The following ROBO1 variants were observed in gnomAD, a reference collection of about 807,000 sequenced individuals.
ROBO1 encodes roundabout homolog 1.
Under a neutral mutation model 195.9 loss-of-function variants are expected in ROBO1, and 149 were observed. The ratio of observed to expected loss-of-function variants is 0.76; its 90% CI spans 0.67 to 0.87. The LOEUF (loss-of-function observed/expected upper bound fraction) is 0.87. Among genes scored for constraint, ROBO1 ranks in the 40% least tolerant of loss-of-function variants. The pLI is 0.00. For missense variants in ROBO1, 1,933 were observed against 2,068.3 expected (o/e 0.93, Z 1.27); for synonymous variants, 816 against 733.2 (o/e 1.11, Z -1.82).
intron 2 of ROBO1, among the ~76,000 whole-genome samples, chr3:79,431,547 G>A (rs942893407): frequency 2.8e-4 from 42 of 152,094 alleles, no homozygotes; most frequent in Non-Finnish European, 2.4e-4. Context: ...GAGAATAAAA[G>A]GTGGAAATTA....
intron 2 of ROBO1, among the ~76,000 whole-genome samples, chr3:79,506,057 A>G (rs1161853115): frequency 6.6e-6 from 1 of 152,182 alleles, no homozygotes; most frequent in Non-Finnish European, 1.5e-5. Context: ...ACACCTAGAC[A>G]ACATCTTATC....
chr3:79,621,881 C>A (rs1364797222), intron 1 of ROBO1, among the ~76,000 whole-genome samples: 1 of 152,144 alleles, frequency 6.6e-6, no homozygotes, highest in African/African-American at 2.4e-5. Context: ...TACGTAACAA[C>A]ATAATGACTG....
At chr3:79,591,851 G>C (rs1377918734) in intron 1 of ROBO1, among the ~76,000 whole-genome samples, 1 of 151,468 alleles carries the variant, frequency 6.6e-6, no homozygotes, top group Non-Finnish European at 1.5e-5. Context: ...GTTTCTGCTT[G>C]CCTAAGGAGT....
At chr3:79,002,551 G>T (rs1366213663) in intron 3 of ROBO1, among the ~76,000 whole-genome samples, 1 of 152,000 alleles carries the variant, frequency 6.6e-6, no homozygotes, top group East Asian at 1.9e-4. Context: ...CAAAATTAGA[G>T]TACAGCCAGC....
chr3:78,944,854 C>T (rs1274713991), intron 3 of ROBO1, among the ~76,000 whole-genome samples: 1 of 152,188 alleles, frequency 6.6e-6, no homozygotes, highest in African/African-American at 2.4e-5. Context: ...AACGGCACAC[C>T]AGGAGATTAT....
chr3:78,886,074 T>TA (rs1200057975), intron 4 of ROBO1, among the ~76,000 whole-genome samples: 1 of 151,338 alleles, frequency 6.6e-6, no homozygotes, highest in Non-Finnish European at 1.5e-5. Flanking sequence ...GCTTTGTTTA[T>TA]AAAAAAACAA....
At chr3:79,366,967 A>G (rs1393400174) in intron 2 of ROBO1, among the ~76,000 whole-genome samples, 4 of 152,220 alleles carry the variant, frequency 2.6e-5, no homozygotes, top group African/African-American at 9.6e-5. Context: ...GGAAACAGAA[A>G]TGGTGAGGCA....
intron 3 of ROBO1, among the ~76,000 whole-genome samples, chr3:79,009,973 G>A (rs971812190): frequency 1.3e-5 from 2 of 152,092 alleles, no homozygotes; most frequent in East Asian, 1.9e-4. Flanking sequence ...AAACTGAACA[G>A]CACTGAAAAA....
At chr3:78,772,702 T>C (rs2083407005) in intron 4 of ROBO1, among the ~76,000 whole-genome samples, 1 of 152,148 alleles carries the variant, frequency 6.6e-6, no homozygotes, top group Non-Finnish European at 1.5e-5. Flanking sequence ...TTATGAATTA[T>C]GAGTCTACTT....
rs377241477 is a variant in ROBO1 at position 78,606,768 on chromosome 3, C to A, written c.4709G>T (p.Arg1570Leu). 6.2e-7 allele frequency: 1 copy of A among 1,613,846 alleles called. No homozygotes were observed. The highest frequency in any genetic ancestry group is 1.7e-5 in the Admixed American group (1 of 60,000). Residue 1570 changes from arginine to leucine, a missense_variant, in exon 29 of 31, where the codon CGA (arginine) becomes CTA (leucine). Physicochemically the swap from Arg to Leu is moderately radical, Grantham distance 102 (BLOSUM62 -2). Transcript: ENST00000464233. ...GKGRGNKAAKRDLPPAKTHLI... is the reference protein window; with the variant it reads ...GKGRGNKAAKLDLPPAKTHLI... ...ATGAGTCTTTGCTGGTGGAAGGTCT[C>A]GTTTTGCTGCCTTGTTTCCACGTCC...
At chr3:79,622,124 C>T (rs764405179) in intron 1 of ROBO1, among the ~76,000 whole-genome samples, 7 of 152,118 alleles carry the variant, frequency 4.6e-5, no homozygotes, top group Non-Finnish European at 1.0e-4. Flanking sequence ...AGCCACCTCT[C>T]CACAGTCAAG....
At chr3:78,719,616 G>T (rs967722339) in intron 5 of ROBO1, among the ~76,000 whole-genome samples, 1 of 152,056 alleles carries the variant, frequency 6.6e-6, no homozygotes, top group Non-Finnish European at 1.5e-5. Flanking sequence ...ATTTTCAAAA[G>T]TATGAGGCAT....
intron 1 of ROBO1, among the ~76,000 whole-genome samples, chr3:79,764,642 TA>T (rs1704889732): frequency 6.6e-6 from 1 of 152,226 alleles, no homozygotes; most frequent in South Asian, 2.1e-4. Flanking sequence ...CTTGCTTAAA[TA>T]AAAGTAGTTC....
chr3:79,014,552 C>T (rs574208895), intron 3 of ROBO1, among the ~76,000 whole-genome samples: 5 of 152,320 alleles, frequency 3.3e-5, no homozygotes, highest in South Asian at 4.1e-4. Context: ...CACTTGGCTG[C>T]TCTGTCTACT....
At chr3:79,157,430 C>T (rs2080878423) in intron 2 of ROBO1, among the ~76,000 whole-genome samples, 1 of 151,852 alleles carries the variant, frequency 6.6e-6, no homozygotes, top group Admixed American at 6.6e-5. Flanking sequence ...TGTTTGCAGG[C>T]CTCAGCTCAG....
intron 2 of ROBO1, among the ~76,000 whole-genome samples, chr3:79,223,401 T>C (rs1013139034): frequency 6.6e-6 from 1 of 152,178 alleles, no homozygotes; most frequent in Non-Finnish European, 1.5e-5. Flanking sequence ...AGTATCTATA[T>C]TATTCGAGTA....
At chr3:78,661,640 G>A (rs1707413230) in intron 15 of ROBO1, among the ~76,000 whole-genome samples, 1 of 152,148 alleles carries the variant, frequency 6.6e-6, no homozygotes, top group African/African-American at 2.4e-5. Context: ...AAGCTAAAAT[G>A]TTTGATGATT....
intron 2 of ROBO1, among the ~76,000 whole-genome samples, chr3:79,180,909 A>T (rs1298983809): frequency 2.0e-5 from 3 of 152,164 alleles, no homozygotes; most frequent in Non-Finnish European, 2.9e-5. Context: ...CTTTCCTGAG[A>T]ACATCTTGAA....
intron 3 of ROBO1, among the ~76,000 whole-genome samples, chr3:79,075,753 C>T (rs1246635478): frequency 6.6e-6 from 1 of 151,848 alleles, no homozygotes. Flanking sequence ...GAATTAGTAG[C>T]TTTAGCTCCA....
Sources: gnomAD v4.1 joint callset for allele counts (sites outside exome capture counted in the v4.1 genomes callset) on GRCh38, gnomAD v4.1.1 for gene constraint, MANE v1.5 for transcripts, NCBI Gene and HGNC (gene_info 2026-07-23, HGNC 2026-07-21) for gene names.